Variants in PRORP observed in about 807,000 individuals in gnomAD.
PRORP encodes mitochondrial ribonuclease P catalytic subunit.
In PRORP, 51 loss-of-function variants were observed where a neutral mutation model predicts 59.4. The ratio of observed to expected loss-of-function variants is 0.86; its 90% CI spans 0.69 to 1.08. The LOEUF is 1.08. PRORP is among the 50% of genes least tolerant of loss of function. The pLI is 0.00. For synonymous variants in PRORP, 231 were observed against 245.6 expected (o/e 0.94, Z 0.55); for missense variants, 646 against 690.3 (o/e 0.94, Z 0.72).
intron 4 of PRORP, among the ~76,000 whole-genome samples, chr14:35,168,128 C>T (rs1490838026): frequency 1.3e-5 from 2 of 152,120 alleles, no homozygotes; most frequent in Non-Finnish European, 2.9e-5. Flanking sequence ...TCTGTGAATA[C>T]TCATAAATGG....
At chr14:35,129,709 G>C (rs1032048064) in intron 4 of PRORP, among the ~76,000 whole-genome samples, 1 of 151,658 alleles carries the variant, frequency 6.6e-6, no homozygotes, top group Admixed American at 6.6e-5. Flanking sequence ...TCGAACTCCT[G>C]ACCTCATGAT....
At chr14:35,174,842 G>A (rs1331533151) in intron 4 of PRORP, among the ~76,000 whole-genome samples, 3 of 149,548 alleles carry the variant, frequency 2.0e-5, no homozygotes, top group South Asian at 2.1e-4. Flanking sequence ...TGCTGCACCC[G>A]TTAACTCGTC....
At chr14:35,180,843 TTC>T (rs1566480835) in intron 5 of PRORP, 66 bp downstream of exon 5, 1 of 1,048,002 alleles carries the variant, frequency 9.5e-7, no homozygotes, top group Non-Finnish European at 1.4e-6. Flanking sequence ...ATTTATGACC[TTC>T]TTGGGGCTCT....
rs1321335932 is a variant in PRORP, at chr14:35,276,898, T to C, written c.*3332T>C. On this transcript the variant is annotated 3_prime_UTR_variant, in exon 8 of 8. Transcript: ENST00000534898. Reference sequence around the variant, plus strand: ...AAGGAAGAAGGCTGAGTTTATTCTCTCAGGGCTCTGTTGGGTCTACCTCAT... The same window carrying C: ...AAGGAAGAAGGCTGAGTTTATTCTCCCAGGGCTCTGTTGGGTCTACCTCAT... 1 of 152,220 alleles carries C rather than the reference T, an allele frequency of 6.6e-6. No homozygotes were observed. Among genetic ancestry groups the C allele is most frequent in the Non-Finnish European group, 1.5e-5 (1 of 68,048 alleles). 9.4% of individuals were successfully genotyped at this position (152,220 alleles called of 1,614,324 possible). A position where few individuals can be genotyped will look rare whatever the true frequency, so the allele number is the denominator to read the frequency against.
chr14:35,124,759 AG>A (rs1269497506), intron 2 of PRORP, among the ~76,000 whole-genome samples: 2 of 149,616 alleles, frequency 1.3e-5, no homozygotes, highest in Non-Finnish European at 3.0e-5. Flanking sequence ...TAGCAAGAAA[AG>A]AATATAGCAT....
intron 5 of PRORP, among the ~76,000 whole-genome samples, chr14:35,254,692 C>T (rs2050704739): frequency 6.6e-6 from 1 of 152,010 alleles, no homozygotes; most frequent in Admixed American, 6.6e-5. Flanking sequence ...GCGCCCAGCC[C>T]ACTCTCCTGT....
At chr14:35,271,306 A>G (rs2051183134) in intron 7 of PRORP, among the ~76,000 whole-genome samples, 2 of 150,878 alleles carry the variant, frequency 1.3e-5, no homozygotes, top group Non-Finnish European at 3.0e-5. Flanking sequence ...CTATGGGCAC[A>G]TGCCACCACG....
intron 2 of PRORP, among the ~76,000 whole-genome samples, chr14:35,124,769 A>G (rs528040191): frequency 1.3e-5 from 2 of 149,456 alleles, no homozygotes; most frequent in East Asian, 3.9e-4. Context: ...AGAATATAGC[A>G]TTTGACTAGA....
intron 5 of PRORP, among the ~76,000 whole-genome samples, chr14:35,213,279 A>T (rs1003613060): frequency 6.6e-6 from 1 of 152,066 alleles, no homozygotes; most frequent in Non-Finnish European, 1.5e-5. Flanking sequence ...TTCCTTCAAG[A>T]ACTTTTCCTG....
intron 5 of PRORP, among the ~76,000 whole-genome samples, chr14:35,252,987 T>C (rs1022808657): frequency 6.6e-6 from 1 of 152,184 alleles, no homozygotes; most frequent in Non-Finnish European, 1.5e-5. Context: ...ACTTGCTTTT[T>C]CTGATCAGAA....
rs998037721 is a variant in PRORP, at chr14:35,123,914, A to G, written c.669A>G (p.Ser223=). The G allele has an allele frequency of 6.2e-7, 1 of 1,614,138 alleles. No individual in the cohort carries two copies. Among genetic ancestry groups the G allele is most frequent in the Admixed American group, 1.7e-5 (1 of 60,022 alleles). The change falls in exon 2 of 8, where the codon TCA becomes TCG. Residue 223 remains serine, a synonymous_variant. Coordinates refer to ENST00000534898, the MANE Select transcript of PRORP (RefSeq NM_014672.4). The stretch of plus-strand genomic sequence containing the variant: ...TTCTCATCCGGGGATTGATCCATTC[A>G]GACAGATGGAGAGAAGCATTGTTGC... The part of the protein sequence containing the change: ...YSLLIRGLIH[S]DRWREALLLL...
intron 5 of PRORP, among the ~76,000 whole-genome samples, chr14:35,207,890 G>T (rs919164836): frequency 6.6e-6 from 1 of 152,080 alleles, no homozygotes. Context: ...GGTGGCTCAC[G>T]CCTGTAATCC....
chr14:35,238,534 T>G (rs2050279181), intron 5 of PRORP, among the ~76,000 whole-genome samples: 1 of 152,128 alleles, frequency 6.6e-6, no homozygotes, highest in Admixed American at 6.6e-5. Flanking sequence ...ACTAAAGTGA[T>G]GACAGTGGAA....
intron 5 of PRORP, among the ~76,000 whole-genome samples, chr14:35,212,966 T>C (rs12586317): frequency 0.19 from 29,215 of 152,234 alleles, 3,548 homozygotes; most frequent in East Asian, 0.33. Flanking sequence ...AATAACTCAC[T>C]GCAGCTTCTC....
At chr14:35,161,032 T>G (rs1426587264) in intron 4 of PRORP, among the ~76,000 whole-genome samples, 1 of 151,806 alleles carries the variant, frequency 6.6e-6, no homozygotes, top group Non-Finnish European at 1.5e-5. Flanking sequence ...GCAGTTAGGT[T>G]ATGGGTCCTT....
In PRORP at chr14:35,130,616, T is replaced by A. The variant is rs570938553; in HGVS notation, c.1167+3005T>A. 7.9e-5 allele frequency among the ~76,000 whole-genome samples: 12 copies of A among 151,924 alleles called. No homozygotes were observed. The South Asian group carries it at 2.5e-3, about 32-fold the overall frequency. Reference sequence around the variant, plus strand: ...CTTGAGTCTTACCCTCCCAAGTAGCTAGGATTACAGGTACCCTCCACCAGA... The same window carrying A: ...CTTGAGTCTTACCCTCCCAAGTAGCAAGGATTACAGGTACCCTCCACCAGA... On this transcript the variant is annotated intron_variant, in intron 4 of 7. Transcript: ENST00000534898.
At chr14:35,242,956 A>G (rs1253427298) in intron 5 of PRORP, among the ~76,000 whole-genome samples, 1 of 152,208 alleles carries the variant, frequency 6.6e-6, no homozygotes, top group African/African-American at 2.4e-5. Context: ...CAGATCTTGC[A>G]TTCAAAGACA....
At chr14:35,267,861 G>A (rs917521517) in intron 6 of PRORP, among the ~76,000 whole-genome samples, 1 of 152,144 alleles carries the variant, frequency 6.6e-6, no homozygotes, top group Non-Finnish European at 1.5e-5. Context: ...GGCCAGTTGG[G>A]CTATAATAGC....
intron 7 of PRORP, among the ~76,000 whole-genome samples, chr14:35,270,924 G>A (rs1424108959): frequency 1.3e-5 from 2 of 150,494 alleles, no homozygotes; most frequent in Non-Finnish European, 3.0e-5. Context: ...TCTACTAAAA[G>A]TACAAAAAAA....
Sources: gnomAD v4.1 joint callset for allele counts (sites outside exome capture counted in the v4.1 genomes callset) on GRCh38, gnomAD v4.1.1 for gene constraint, MANE v1.5 for transcripts, NCBI Gene and HGNC (gene_info 2026-07-23, HGNC 2026-07-21) for gene names.